Variants in PPOX observed in about 807,000 individuals in gnomAD.
PPOX encodes the protein variegate porphyria.
In PPOX, 23 loss-of-function variants were observed where a neutral mutation model predicts 54.1. The ratio of observed to expected loss-of-function variants is 0.43; its 90% CI spans 0.31 to 0.60. The LOEUF is 0.60. PPOX is among the 20% of genes least tolerant of loss of function. The probability of loss-of-function intolerance (pLI) is 0.13; values close to 1 mark genes in which losing one functional copy is unlikely to be tolerated. For synonymous variants in PPOX, 224 were observed against 236.1 expected (o/e 0.95, Z 0.47); for missense variants, 512 against 601.1 (o/e 0.85, Z 1.55).
rs1277070706 is a variant in PPOX at position 161,166,504 on chromosome 1, G to A, written c.-177G>A. 4.6e-5 allele frequency: 61 copies of A among 1,316,226 alleles called. No homozygotes were observed. Among genetic ancestry groups the A allele is most frequent in the Admixed American group, 6.4e-5 (2 of 31,202 alleles). 81.5% of individuals were successfully genotyped at this position (1,316,226 alleles called of 1,614,324 possible). On this transcript the variant is annotated 5_prime_UTR_variant, in exon 1 of 13. Coordinates refer to ENST00000367999, the MANE Select transcript of PPOX (RefSeq NM_001122764.3). ...AGCACTTGTTGGCCTACAGAGGTGTGGCAAGCAGAGCACCTCAGAACTCAG... is the reference window on the plus strand; with the variant it reads ...AGCACTTGTTGGCCTACAGAGGTGTAGCAAGCAGAGCACCTCAGAACTCAG...
intron 11 of PPOX, 38 bp from the exon 12 acceptor site, chr1:161,170,866 CAAT>C: frequency 8.1e-6 from 13 of 1,613,864 alleles, no homozygotes; most frequent in Non-Finnish European, 1.1e-5. Context: ...CCTAGGACAT[CAAT>C]AATAAACTTT....
chr1:161,171,956 C>T (rs187196663), downstream of PPOX: 17 of 1,614,130 alleles, frequency 1.1e-5, no homozygotes, highest in Admixed American at 2.8e-4. Context: ...GCCCGAGGAC[C>T]CCGAGGGTCA....
At chr1:161,171,449 A>C, downstream of PPOX, 1 of 602,180 alleles carries the variant, frequency 1.7e-6, no homozygotes, top group Non-Finnish European at 2.9e-6. Flanking sequence ...CGGGAACCAT[A>C]AATAGAATAA....
downstream of PPOX, chr1:161,172,483 T>G: frequency 1.5e-5 from 10 of 646,862 alleles, no homozygotes; most frequent in Non-Finnish European, 2.3e-5. Flanking sequence ...AAGAAGGAAA[T>G]GGCTGAAGAG....
In PPOX at chr1:161,169,134, G is replaced by A; in HGVS notation, c.758G>A (p.Arg253Lys). The A allele has an allele frequency of 6.2e-7, 1 of 1,614,188 alleles. No homozygotes were observed. Among genetic ancestry groups the A allele is most frequent in the Non-Finnish European group, 8.5e-7 (1 of 1,180,048 alleles). Residue 253 changes from arginine (R) to lysine (K), a missense_variant, in exon 7 of 13, where the codon AGA becomes AAA. By Grantham distance (26) the Arg-to-Lys change is conservative. Transcript: ENST00000367999. ...ACTAGTAGGGGGGTCAGTGTTCTCA[G>A]AGGCCAGCCGGTCTGTGGGCTCAGC... The part of the protein sequence containing the change: ...HLTSRGVSVL[R>K]GQPVCGLSLQ...
downstream of PPOX, chr1:161,173,947 G>C: frequency 6.2e-7 from 1 of 1,614,184 alleles, no homozygotes; most frequent in Middle Eastern, 1.6e-4. Flanking sequence ...TCTGGCAAGA[G>C]GTCCACATCG....
chr1:161,175,895 T>C (rs2101972914), downstream of PPOX: 4 of 1,614,138 alleles, frequency 2.5e-6, no homozygotes, highest in East Asian at 6.7e-5. Flanking sequence ...CTGAGGTTAC[T>C]GTAGACATCA....
chr1:161,170,849 G>A, intron 11 of PPOX, 58 bp from the exon 12 acceptor site: 1 of 1,613,798 alleles, frequency 6.2e-7, no homozygotes. Context: ...CTGTATGTCA[G>A]CCAAGGCCTA....
chr1:161,172,077 C>T (rs1432987800), downstream of PPOX: 2 of 1,614,098 alleles, frequency 1.2e-6, no homozygotes, highest in Non-Finnish European at 1.7e-6. Flanking sequence ...GGGTACGGAC[C>T]AGGAGGTCAA....
chr1:161,170,320 G>GGGGGGGGGGGGGCCCC, intron 9 of PPOX, 89 bp from the exon 10 acceptor site: 1 of 494,792 alleles, frequency 2.0e-6, no homozygotes, highest in Non-Finnish European at 4.0e-6. Context: ...GTGAGACTCT[G>GGGGGGGGGGGGGCCCC]TCCCCCCCAC....
Position 161,170,509 on chromosome 1 carries a change from TCA to T in PPOX, c.1089_1090del (p.Arg364SerfsTer16), listed in dbSNP as rs1368582123. 6.2e-7 allele frequency: 1 copy of T among 1,614,212 alleles called. No individual in the cohort carries two copies. The highest frequency in any genetic ancestry group is 8.5e-7 in the Non-Finnish European group (1 of 1,180,002). On this transcript the variant is annotated frameshift_variant, in exon 10 of 13. Coordinates refer to ENST00000367999, the MANE Select transcript of PPOX (RefSeq NM_001122764.3). LOFTEE classifies it high-confidence loss of function. ...GAGCAGGACGGGAGCCCCCCTGGCC[TCA>T]GAGTGACTGTGAGGAGGAGGAAACT...
chr1:161,176,917 G>A (rs527518334), exon 5 of PPOX: 3 of 1,536,216 alleles, frequency 2.0e-6, no homozygotes, highest in South Asian at 2.4e-5. Context: ...AGTACCCAGG[G>A]CGAAGTAGGA....
At chr1:161,176,821 A>AATGGAAACATT in intron 4 of PPOX, 1 of 1,527,242 alleles carries the variant, frequency 6.5e-7, no homozygotes, top group Non-Finnish European at 8.8e-7. Flanking sequence ...GGGACAGGAC[A>AATGGAAACATT]GCTAATGGAA....
Position 161,166,507 on chromosome 1 carries a change from A to G in PPOX, c.-174A>G, listed in dbSNP as rs886045451. 7.6e-7 allele frequency: 1 copy of G among 1,321,736 alleles called. No individual in the cohort carries two copies. The highest frequency in any genetic ancestry group is 3.4e-5 in the East Asian group (1 of 29,832). The allele number at this position is 1,321,736 out of a possible 1,614,324, so 81.9% of individuals were successfully genotyped here. On this transcript the variant is annotated 5_prime_UTR_variant, in exon 1 of 13. Transcript: ENST00000367999. ...ACTTGTTGGCCTACAGAGGTGTGGC[A>G]AGCAGAGCACCTCAGAACTCAGGCG...
chr1:161,172,141 T>C (rs1245496085), downstream of PPOX: 3 of 1,612,130 alleles, frequency 1.9e-6, no homozygotes, highest in South Asian at 1.1e-5. Flanking sequence ...GCCAGAAATC[T>C]AGGGACCTTT....
chr1:161,168,041 G>C lies in PPOX; in HGVS notation c.385G>C (p.Ala129Pro). ...SPPFSKPLFW[A>P]GLRELTKPRG... ...CCCCTTCTCCAAACCTCTGTTTTGGGCTGGGCTGAGGGAGCTGACCAAGCC... is the reference window on the plus strand; with the variant it reads ...CCCCTTCTCCAAACCTCTGTTTTGGCCTGGGCTGAGGGAGCTGACCAAGCC... The change falls in exon 5 of 13, where the codon GCT becomes CCT. Residue 129 changes from alanine (A) to proline (P), a missense_variant. Ala to Pro is a conservative substitution (Grantham distance 27, BLOSUM62 -1). Transcript: ENST00000367999. 1 of 1,614,098 alleles carries C rather than the reference G, an allele frequency of 6.2e-7. No homozygotes were observed. Among genetic ancestry groups the C allele is most frequent in the East Asian group, 2.2e-5 (1 of 44,876 alleles).
downstream of PPOX, among the ~76,000 whole-genome samples, chr1:161,173,409 G>A (rs1045605398): frequency 4.6e-5 from 7 of 152,172 alleles, no homozygotes; most frequent in Non-Finnish European, 1.0e-4. Context: ...AACTAACCAG[G>A]AGACTGAAGG....
At chr1:161,173,570 G>A (rs370500860), downstream of PPOX, 8 of 1,612,616 alleles carry the variant, frequency 5.0e-6, no homozygotes, top group African/African-American at 1.1e-4. Flanking sequence ...GATCCAGACT[G>A]GGGTCAGGAG....
At chr1:161,176,136 AGTAG>A, downstream of PPOX, 3 of 1,567,604 alleles carry the variant, frequency 1.9e-6, no homozygotes, top group Non-Finnish European at 2.6e-6. Context: ...CAGAGAGGTC[AGTAG>A]GTAGGGTTGA....
Sources: allele counts gnomAD v4.1 joint callset (sites outside exome capture counted in the v4.1 genomes callset), GRCh38; gene constraint gnomAD v4.1.1; transcripts MANE v1.5; gene names NCBI Gene and HGNC (gene_info 2026-07-23, HGNC 2026-07-21).